The following WDR74 variants were observed in gnomAD, a reference collection of about 807,000 sequenced individuals.
WDR74 encodes the protein WD repeat-containing protein 74.
A neutral mutation model predicts 45.6 loss-of-function variants in WDR74; 31 were observed. The ratio of observed to expected loss-of-function variants is 0.68; its 90% CI spans 0.51 to 0.92. The LOEUF is 0.92. Among genes scored for constraint, WDR74 ranks in the 40% least tolerant of loss-of-function variants. The probability of loss-of-function intolerance (pLI) is 0.00; values close to 1 mark genes in which losing one functional copy is unlikely to be tolerated. For missense variants in WDR74, 455 were observed against 497.2 expected, an observed-to-expected ratio of 0.92 and a Z score of 0.81; for synonymous variants, 191 against 192.4, an observed-to-expected ratio of 0.99 and a Z score of 0.06.
chr11:62,835,577 T>C lies in WDR74; in HGVS notation c.517-45A>G, dbSNP rs183891088. The C allele has an allele frequency of 3.8e-4, 620 of 1,610,840 alleles. 6 individuals are homozygous for C. The African/African-American group carries it at 7.0e-3, about 18-fold the overall frequency. Reference sequence around the variant, plus strand: ...GAGGACAGGGCTATGGGGGGCTCGATGTGCCCCTGTTTTCAGCCCTCCTTC... The same window carrying C: ...GAGGACAGGGCTATGGGGGGCTCGACGTGCCCCTGTTTTCAGCCCTCCTTC... On this transcript the variant is annotated intron_variant, in intron 5 of 10. Transcript: ENST00000278856.
upstream of WDR74, among the ~76,000 whole-genome samples, chr11:62,841,325 T>G (rs1420385124): frequency 6.6e-6 from 1 of 151,406 alleles, no homozygotes; most frequent in Non-Finnish European, 1.5e-5. Context: ...TCAAAAAAAA[T>G]AAATAAGAAA....
At chr11:62,833,264 A>AT in intron 10 of WDR74, 133 bp from the exon 11 acceptor site, 1 of 679,322 alleles carries the variant, frequency 1.5e-6, no homozygotes, top group South Asian at 2.1e-5. Context: ...ACTGGGCAAC[A>AT]TAAGGAGACC....
intron 5 of WDR74, 27 bp from the exon 6 acceptor site, chr11:62,835,559 G>C: frequency 6.2e-7 from 1 of 1,613,494 alleles, no homozygotes; most frequent in South Asian, 1.1e-5. Flanking sequence ...ATGGAGGACA[G>C]GGCTATGGGG....
Position 62,832,947 on chromosome 11 carries a change from G to A in WDR74, c.*5C>T. 1 of 1,596,664 alleles carries A rather than the reference G, an allele frequency of 6.3e-7. No individual in the cohort carries two copies. Among genetic ancestry groups the A allele is most frequent in the Non-Finnish European group, 8.5e-7 (1 of 1,172,488 alleles). On this transcript the variant is annotated 3_prime_UTR_variant, in exon 11 of 11. Coordinates refer to ENST00000278856, the MANE Select transcript of WDR74 (RefSeq NM_001369450.1). The stretch of plus-strand genomic sequence containing the variant: ...CAGTTTATTTACAAAGTGGGCACAG[G>A]GGCGTCAGGGGCTGGTGGACCCAGG...
At chr11:62,834,562 C>T (rs1330216958) in intron 6 of WDR74, 35 bp from the exon 7 acceptor site, 2 of 1,567,892 alleles carry the variant, frequency 1.3e-6, no homozygotes, top group East Asian at 2.2e-5. Flanking sequence ...AAAGTATCCT[C>T]ACCCTGCACC....
In WDR74 at chr11:62,839,541, A is replaced by G. The variant is rs747632170; in HGVS notation, c.30T>C (p.His10=). The G allele has an allele frequency of 1.9e-5, 31 of 1,613,148 alleles. No homozygotes were observed. The highest frequency in any genetic ancestry group is 1.9e-4 in the African/African-American group (14 of 74,888). Residue 10 remains histidine (H), a synonymous_variant, in exon 1 of 11, where the codon CAT becomes CAC. Transcript: ENST00000278856. MAAAAARWN[H]VWVGTETGIL... Reference sequence around the variant, plus strand: ...TCCCAGTCTCGGTGCCGACCCACACATGGTTCCAGCGTGCAGCAGCAGCCG... The same window carrying G: ...TCCCAGTCTCGGTGCCGACCCACACGTGGTTCCAGCGTGCAGCAGCAGCCG...
chr11:62,841,441 G>T (rs557008742), upstream of WDR74: 2 of 152,158 alleles, frequency 1.3e-5, no homozygotes, highest in African/African-American at 2.4e-5. Context: ...GAGATACTAC[G>T]CTCCGTGCTC....
At chr11:62,841,625 T>G (rs566758892), upstream of WDR74, 12 of 152,256 alleles carry the variant, frequency 7.9e-5, no homozygotes, top group South Asian at 2.1e-4. Flanking sequence ...GAAGGGAGAG[T>G]GCACCGTTCC....
At chr11:62,835,608 C>T (rs989589440) in intron 5 of WDR74, 76 bp from the exon 6 acceptor site, 3 of 1,613,434 alleles carry the variant, frequency 1.9e-6, no homozygotes, top group African/African-American at 1.3e-5. Context: ...CCTTCGCCCC[C>T]TAAGTCCATC....
upstream of WDR74, chr11:62,841,649 A>G (rs970946629): frequency 4.6e-5 from 7 of 152,238 alleles, no homozygotes; most frequent in Non-Finnish European, 7.3e-5. Context: ...AAGTACTGCA[A>G]TACCAGGTCG....
chr11:62,833,192 A>C, intron 10 of WDR74, 61 bp from the exon 11 acceptor site: 1 of 1,551,658 alleles, frequency 6.4e-7, no homozygotes, highest in Non-Finnish European at 8.8e-7. Context: ...TCCCACCTGT[A>C]ATCTCAGCAC....
chr11:62,839,051 T>G, intron 3 of WDR74, 63 bp downstream of exon 3: 1 of 1,596,038 alleles, frequency 6.3e-7, no homozygotes, highest in Non-Finnish European at 8.5e-7. Context: ...ATCATTCCAG[T>G]ATCCTCAGGG....
intron 6 of WDR74, chr11:62,834,747 T>C: frequency 1.8e-6 from 1 of 543,736 alleles, no homozygotes; most frequent in Non-Finnish European, 3.3e-6. Context: ...GTCCCCTAGG[T>C]TGGAAGTGTG....
chr11:62,835,699 T>C lies in WDR74; in HGVS notation c.512A>G (p.Lys171Arg). 6.2e-7 allele frequency: 1 copy of C among 1,613,986 alleles called. No individual in the cohort carries two copies. Among genetic ancestry groups the C allele is most frequent in the Non-Finnish European group, 8.5e-7 (1 of 1,179,876 alleles). ...CTTCACACTCTTGTCACTCACGTTC[T>C]TGGCCCTGAACACAGGTTCCTCAGA... ...QGSEEPVFRAKNVRNDWLDLR... is the reference protein window; with the variant it reads ...QGSEEPVFRARNVRNDWLDLR... The change falls in exon 5 of 11, where the codon AAG becomes AGG. Residue 171 changes from lysine to arginine, a missense_variant. By Grantham distance (26) the Lys-to-Arg change is conservative (BLOSUM62 2). Coordinates refer to ENST00000278856, the MANE Select transcript of WDR74 (RefSeq NM_001369450.1).
chr11:62,839,432 A>G lies in WDR74; in HGVS notation c.65-4T>C, dbSNP rs2085012917. On this transcript the variant is annotated splice_region_variant and splice_polypyrimidine_tract_variant and intron_variant, in intron 1 of 10. Transcript: ENST00000278856. ...TGTTTTCGCTGAAGATTTACCCCTG[A>G]GAGACGAAGGCGTCAGTCACGCCAG... The G allele has an allele frequency of 1.2e-6, 2 of 1,613,354 alleles. No individual in the cohort carries two copies. The highest frequency in any genetic ancestry group is 3.3e-5 in the Admixed American group (2 of 59,986).
At chr11:62,838,898 C>T (rs1023619084) in intron 3 of WDR74, among the ~76,000 whole-genome samples, 3 of 152,096 alleles carry the variant, frequency 2.0e-5, no homozygotes, top group African/African-American at 7.2e-5. Context: ...AGAAATTTTA[C>T]CGGCAGCCCC....
In WDR74 at chr11:62,835,536, G is replaced by A; in HGVS notation, c.517-4C>T. 1 of 1,613,916 alleles carries A rather than the reference G, an allele frequency of 6.2e-7. No individual in the cohort carries two copies. Among genetic ancestry groups the A allele is most frequent in the Non-Finnish European group, 8.5e-7 (1 of 1,179,850 alleles). On this transcript the variant is annotated splice_region_variant and splice_polypyrimidine_tract_variant and intron_variant, in intron 5 of 10. Transcript: ENST00000278856. ...AGTCCAGCCAGTCATTCCGCACCTGGTGGGGTGGGCAGATGGAGGACAGGG... is the reference window on the plus strand; with the variant it reads ...AGTCCAGCCAGTCATTCCGCACCTGATGGGGTGGGCAGATGGAGGACAGGG...
Position 62,837,518 on chromosome 11 carries a change from A to C in WDR74, c.294-1482T>G, listed in dbSNP as rs546868880. Reference sequence around the variant, plus strand: ...TATATAAAAAAAAAACAAAAAACAAAAAAAAAAAAACGCTTCCTTGTTATC... The same window carrying C: ...TATATAAAAAAAAAACAAAAAACAACAAAAAAAAAACGCTTCCTTGTTATC... On this transcript the variant is annotated intron_variant, in intron 3 of 10. Coordinates refer to ENST00000278856, the MANE Select transcript of WDR74 (RefSeq NM_001369450.1). Among the ~76,000 whole-genome samples the C allele has an allele frequency of 7.1e-4, 106 of 148,872 alleles. 1 individual carries two copies. The highest frequency in any genetic ancestry group is 6.8e-3 in the Middle Eastern group (2 of 294).
chr11:62,838,784 A>AACACACAC (rs994765438), intron 3 of WDR74, among the ~76,000 whole-genome samples: 1 of 151,414 alleles, frequency 6.6e-6, no homozygotes, highest in Non-Finnish European at 1.5e-5. Context: ...ACAAAAAACA[A>AACACACAC]ACACACACAC....
Sources: allele counts gnomAD v4.1 joint callset (sites outside exome capture counted in the v4.1 genomes callset), GRCh38; gene constraint gnomAD v4.1.1; transcripts MANE v1.5; gene names NCBI Gene and HGNC (gene_info 2026-07-23, HGNC 2026-07-21).